The following SRGAP1 variants were observed in gnomAD, a reference collection of about 807,000 sequenced individuals.
SRGAP1 encodes the protein SLIT-ROBO Rho GTPase-activating protein 1.
In SRGAP1, 43 loss-of-function variants were observed where a neutral mutation model predicts 121.9. The ratio of observed to expected loss-of-function variants is 0.35; its 90% CI spans 0.28 to 0.46. SRGAP1 has a LOEUF of 0.46. Ranked by LOEUF, SRGAP1 falls within the 20% of genes least tolerant of loss-of-function variation. SRGAP1 has a pLI of 1.00. For synonymous variants in SRGAP1, 447 were observed against 485.4 expected (o/e 0.92, Z 1.04); for missense variants, 1,102 against 1,350.9 (o/e 0.82, Z 2.89).
At chr12:63,898,776 T>A (rs568545449) in intron 1 of SRGAP1, among the ~76,000 whole-genome samples, 1 of 152,246 alleles carries the variant, frequency 6.6e-6, no homozygotes, top group African/African-American at 2.4e-5. Context: ...GATATTGTTT[T>A]AAATTTTTAA....
At chr12:64,106,746 TAAATC>T (rs2036350809) in intron 15 of SRGAP1, among the ~76,000 whole-genome samples, 1 of 152,170 alleles carries the variant, frequency 6.6e-6, no homozygotes, top group Non-Finnish European at 1.5e-5. Context: ...CAGGGAAAAA[TAAATC>T]AAGACCATTG....
intron 1 of SRGAP1, among the ~76,000 whole-genome samples, chr12:63,952,523 A>G (rs1477702338): frequency 6.6e-6 from 1 of 152,128 alleles, no homozygotes; most frequent in Non-Finnish European, 1.5e-5. Context: ...CTTAAAAAGA[A>G]AGAAGGAAGA....
intron 1 of SRGAP1, among the ~76,000 whole-genome samples, chr12:63,911,690 A>G (rs1252381918): frequency 6.6e-6 from 1 of 152,224 alleles, no homozygotes; most frequent in Non-Finnish European, 1.5e-5. Context: ...CTTGACAACC[A>G]TCTCAGACTT....
At chr12:63,856,321 T>C (rs1419788766) in intron 1 of SRGAP1, among the ~76,000 whole-genome samples, 1 of 152,010 alleles carries the variant, frequency 6.6e-6, no homozygotes, top group Non-Finnish European at 1.5e-5. Flanking sequence ...AAATAGAAGT[T>C]GTTCATTTTT....
rs2035065276 is a variant in SRGAP1, at chr12:64,043,575, T to C, written c.801T>C (p.Asp267=). ...TTCATGATCTTTCTGATTTAATTGA[T>C]GTGAGTACTTGAAGTTTTTGTCTTT... ...YYIHDLSDLI[D]CCDLGYHASL... Residue 267 remains aspartate (D), a splice_region_variant and synonymous_variant, in exon 6 of 22, where the codon GAT becomes GAC. Coordinates refer to ENST00000355086, the MANE Select transcript of SRGAP1 (RefSeq NM_020762.4). 6.3e-7 allele frequency: 1 copy of C among 1,590,802 alleles called. No homozygotes were observed. Among genetic ancestry groups the C allele is most frequent in the Non-Finnish European group, 8.5e-7 (1 of 1,171,926 alleles).
intron 3 of SRGAP1, among the ~76,000 whole-genome samples, chr12:64,002,205 A>G (rs1030126055): frequency 2.0e-5 from 3 of 152,138 alleles, no homozygotes; most frequent in African/African-American, 7.2e-5. Flanking sequence ...CAAATTTTTC[A>G]TTTTTCTCGC....
chr12:64,041,395 A>AT (rs869132075), intron 4 of SRGAP1, among the ~76,000 whole-genome samples: 4 of 114,724 alleles, frequency 3.5e-5, no homozygotes, highest in Non-Finnish European at 7.3e-5. Context: ...TTATTTATTT[A>AT]TTTTTTTGAG....
At chr12:63,957,126 C>T (rs1350136) in intron 1 of SRGAP1, among the ~76,000 whole-genome samples, 61,499 of 152,002 alleles carry the variant, frequency 0.4, 12,735 homozygotes, top group South Asian at 0.51. Context: ...AGTTGACGAC[C>T]ATTTGAGTCA....
chr12:64,009,998 C>T (rs2034204135), intron 3 of SRGAP1, among the ~76,000 whole-genome samples: 1 of 152,082 alleles, frequency 6.6e-6, no homozygotes, highest in South Asian at 2.1e-4. Context: ...TCAGAGTTTA[C>T]CTGAATTAAG....
intron 3 of SRGAP1, among the ~76,000 whole-genome samples, chr12:64,000,275 T>TGTGTGTGTG (rs1555163998): frequency 6.7e-5 from 9 of 133,354 alleles, no homozygotes; most frequent in Non-Finnish European, 1.3e-4. Context: ...TGTGTGTGTG[T>TGTGTGTGTG]AAAAAAAAAA....
intron 1 of SRGAP1, among the ~76,000 whole-genome samples, chr12:63,948,915 T>TATATATATATTCCATATATATATTTTCC (rs1565964039): frequency 1.8e-3 from 107 of 60,900 alleles, no homozygotes; most frequent in East Asian, 2.3e-3. Context: ...ATATTTTCCA[T>TATATATATATTCCATATATATATTTTCC]ATATATATAT....
intron 6 of SRGAP1, among the ~76,000 whole-genome samples, chr12:64,049,646 A>G (rs1201717261): frequency 6.6e-6 from 1 of 152,148 alleles, no homozygotes; most frequent in Non-Finnish European, 1.5e-5. Flanking sequence ...AACCATATCA[A>G]TGTTCCTGGC....
At chr12:64,083,236 G>A (rs1315073319) in intron 10 of SRGAP1, among the ~76,000 whole-genome samples, 1 of 152,172 alleles carries the variant, frequency 6.6e-6, no homozygotes, top group Non-Finnish European at 1.5e-5. Context: ...CAATGGTTAT[G>A]TTTGGGGACA....
Position 64,097,255 on chromosome 12 carries a change from G to C in SRGAP1, c.1693G>C (p.Ala565Pro), listed in dbSNP as rs1303392315. 1 of 1,584,814 alleles carries C rather than the reference G, an allele frequency of 6.3e-7. No homozygotes were observed. The highest frequency in any genetic ancestry group is 8.5e-7 in the Non-Finnish European group (1 of 1,171,914). Residue 565 changes from alanine to proline, a missense_variant, in exon 15 of 22, where the codon GCT becomes CCT. Coordinates refer to ENST00000355086, the MANE Select transcript of SRGAP1 (RefSeq NM_020762.4). ...TTTTTTTTTAGGTGAAAATCCTTTG[G>C]CTGATGACCAGAGTAACCATGATAT... ...NSFERGENPLADDQSNHDINS... is the reference protein window; with the variant it reads ...NSFERGENPLPDDQSNHDINS...
chr12:64,046,595 C>T (rs975134736), intron 6 of SRGAP1, among the ~76,000 whole-genome samples: 1 of 151,946 alleles, frequency 6.6e-6, no homozygotes, highest in Non-Finnish European at 1.5e-5. Flanking sequence ...AGGTTGAGGT[C>T]CTAAAAAATG....
intron 1 of SRGAP1, among the ~76,000 whole-genome samples, chr12:63,849,840 G>C (rs1899017756): frequency 6.6e-6 from 1 of 152,166 alleles, no homozygotes; most frequent in South Asian, 2.1e-4. Context: ...CCAGAACCCA[G>C]GTTATCTTCT....
intron 1 of SRGAP1, among the ~76,000 whole-genome samples, chr12:63,929,955 A>C (rs1377826172): frequency 1.3e-5 from 2 of 152,126 alleles, no homozygotes; most frequent in Non-Finnish European, 2.9e-5. Flanking sequence ...GCTCAACATC[A>C]CTGATCATCA....
chr12:63,938,973 G>A (rs1454523594), intron 1 of SRGAP1, among the ~76,000 whole-genome samples: 3 of 151,258 alleles, frequency 2.0e-5, no homozygotes, highest in Non-Finnish European at 2.9e-5. Flanking sequence ...TGGACAACAT[G>A]GTGAGATCCC....
intron 1 of SRGAP1, among the ~76,000 whole-genome samples, chr12:63,919,592 C>A (rs909049288): frequency 2.7e-5 from 4 of 146,586 alleles, no homozygotes; most frequent in Admixed American, 6.7e-5. Context: ...TGACTTACCA[C>A]CTAATCTACA....
Sources: gnomAD v4.1 joint callset for allele counts (sites outside exome capture counted in the v4.1 genomes callset) on GRCh38, gnomAD v4.1.1 for gene constraint, MANE v1.5 for transcripts, NCBI Gene and HGNC (gene_info 2026-07-23, HGNC 2026-07-21) for gene names.